KLF12: variants seen among roughly 807,000 people sequenced by gnomAD.
KLF12 encodes Krueppel-like factor 12.
KLF12 carries 9 observed loss-of-function variants against 37.8 expected under a neutral mutation model. The ratio of observed to expected loss-of-function variants is 0.24; its 90% CI spans 0.14 to 0.42. The LOEUF is 0.42. KLF12 is among the 10% of genes least tolerant of loss of function. The pLI, the probability that KLF12 is intolerant of heterozygous loss-of-function variation, is 1.00. For synonymous variants in KLF12, 208 were observed against 202.1 expected (o/e 1.03, Z -0.25); for missense variants, 411 against 516.0 (o/e 0.80, Z 1.97).
intron 1 of KLF12, among the ~76,000 whole-genome samples, chr13:74,009,933 T>A (rs1364308531): frequency 6.6e-6 from 1 of 152,182 alleles, no homozygotes; most frequent in East Asian, 1.9e-4. Flanking sequence ...TGTTTGCCAG[T>A]GTATTTTACT....
At chr13:74,246,324 G>A in the KLF12 span, among the ~76,000 whole-genome samples, 1 of 152,154 alleles carries the variant, frequency 6.6e-6, no homozygotes, top group Admixed American at 6.5e-5. Context: ...AAGGTGGGTG[G>A]CTCCCATTGA....
At position 73,845,981 on chromosome 13, in the gene KLF12, G is replaced by C. The variant is rs77377545; in HGVS notation, c.516C>G (p.Pro172=). 8,747 of 1,614,104 alleles carry C rather than the reference G, an allele frequency of 5.4e-3. 52 individuals carry two copies. The highest frequency in any genetic ancestry group is 0.022 in the East Asian group (997 of 44,862). ...TCAGTTTGTTAGACTGTAAATTCAT[G>C]GGACTTGAAGGCGGTACGGGATGGA... is the stretch of plus-strand genomic sequence containing the variant. The change falls in exon 4 of 8, where the codon CCC becomes CCG. Residue 172 remains proline (P), a synonymous_variant. Transcript: ENST00000377669.
At chr13:73,755,465 G>A (rs1224177775) in intron 6 of KLF12, among the ~76,000 whole-genome samples, 1 of 152,140 alleles carries the variant, frequency 6.6e-6, no homozygotes, top group Admixed American at 6.5e-5. Context: ...GTTAGGTTTA[G>A]GAAAGGCTCG....
intron 5 of KLF12, among the ~76,000 whole-genome samples, chr13:73,775,207 T>A (rs1441048208): frequency 6.6e-6 from 1 of 152,180 alleles, no homozygotes; most frequent in Non-Finnish European, 1.5e-5. Flanking sequence ...CATGAGCCAC[T>A]GTGCCCGGCC....
At chr13:73,805,621 G>T (rs1882533475) in intron 5 of KLF12, among the ~76,000 whole-genome samples, 1 of 41,334 alleles carries the variant, frequency 2.4e-5, no homozygotes, top group Non-Finnish European at 5.2e-5. Flanking sequence ...AGGGAGGGAG[G>T]GAGGGAGGGA....
intron 3 of KLF12, among the ~76,000 whole-genome samples, chr13:73,902,056 T>C (rs928404596): frequency 6.6e-6 from 1 of 152,238 alleles, no homozygotes; most frequent in Admixed American, 6.5e-5. Context: ...ATAATGCTTA[T>C]AGTTTAATGT....
At chr13:73,698,341 T>C (rs1874295860) in intron 7 of KLF12, among the ~76,000 whole-genome samples, 1 of 152,106 alleles carries the variant, frequency 6.6e-6, no homozygotes, top group Non-Finnish European at 1.5e-5. Flanking sequence ...TCCAGGCTCA[T>C]CTTAACAAGG....
the KLF12 span, among the ~76,000 whole-genome samples, chr13:74,229,559 G>T: frequency 2.0e-5 from 3 of 152,082 alleles, no homozygotes; most frequent in Admixed American, 2.0e-4. Flanking sequence ...ATTTGGAAAA[G>T]GTAAGAGTTT....
chr13:74,202,905 G>A, the KLF12 span, among the ~76,000 whole-genome samples: 34 of 152,230 alleles, frequency 2.2e-4, no homozygotes, highest in Non-Finnish European at 3.7e-4. Flanking sequence ...AAAGGCTTGG[G>A]TGGGTGCAGT....
At chr13:73,734,849 C>T (rs1054434868) in intron 6 of KLF12, among the ~76,000 whole-genome samples, 7 of 152,140 alleles carry the variant, frequency 4.6e-5, no homozygotes, top group African/African-American at 1.7e-4. Context: ...CCCGAGATGA[C>T]ATAGCAAGTA....
chr13:73,714,806 G>A (rs1805752214), intron 7 of KLF12, among the ~76,000 whole-genome samples: 2 of 152,078 alleles, frequency 1.3e-5, no homozygotes, highest in Admixed American at 1.3e-4. Flanking sequence ...GTCAATTGTG[G>A]TATCAATTTC....
chr13:73,735,425 A>G (rs1877379716), intron 6 of KLF12, among the ~76,000 whole-genome samples: 1 of 152,192 alleles, frequency 6.6e-6, no homozygotes, highest in South Asian at 2.1e-4. Flanking sequence ...TGGTAATTAG[A>G]GGGATTTCGA....
chr13:73,934,096 G>T (rs1055365312), intron 3 of KLF12, among the ~76,000 whole-genome samples: 2 of 151,988 alleles, frequency 1.3e-5, no homozygotes, highest in African/African-American at 4.8e-5. Flanking sequence ...GTACCATCTT[G>T]CTATCTGTAC....
At chr13:74,071,548 C>T (rs913547648) in intron 1 of KLF12, among the ~76,000 whole-genome samples, 1 of 151,952 alleles carries the variant, frequency 6.6e-6, no homozygotes, top group African/African-American at 2.4e-5. Flanking sequence ...AAAAAATTAG[C>T]CGGGCGTGGT....
intron 1 of KLF12, among the ~76,000 whole-genome samples, chr13:74,035,738 C>T (rs928332713): frequency 2.6e-5 from 4 of 151,790 alleles, no homozygotes; most frequent in African/African-American, 9.7e-5. Context: ...ATTTCATATC[C>T]TTAAAAATGG....
chr13:74,172,947 A>G, the KLF12 span, among the ~76,000 whole-genome samples: 13 of 152,206 alleles, frequency 8.5e-5, no homozygotes, highest in African/African-American at 7.2e-5. Context: ...CCACGTCTAC[A>G]TGAAATACGC....
At chr13:73,995,131 A>C in intron 1 of KLF12, 78 bp from the exon 2 acceptor site, 2 of 885,734 alleles carry the variant, frequency 2.3e-6, no homozygotes, top group Non-Finnish European at 3.6e-6. Flanking sequence ...GGAAAAAAAT[A>C]CATCTTAATT....
chr13:73,788,640 AT>A (rs58962220), intron 5 of KLF12, among the ~76,000 whole-genome samples: 29,194 of 148,374 alleles, frequency 0.2, 4,200 homozygotes, highest in African/African-American at 0.41. Context: ...ATGCCTGCTA[AT>A]TTTTTTTTTT....
the KLF12 span, among the ~76,000 whole-genome samples, chr13:74,283,781 GAA>G: frequency 6.6e-6 from 1 of 151,196 alleles, no homozygotes; most frequent in African/African-American, 2.4e-5. Flanking sequence ...TGCATTTCTA[GAA>G]AAAATACATG....
Sources: gnomAD v4.1 joint callset for allele counts (sites outside exome capture counted in the v4.1 genomes callset) on GRCh38, gnomAD v4.1.1 for gene constraint, MANE v1.5 for transcripts, NCBI Gene and HGNC (gene_info 2026-07-23, HGNC 2026-07-21) for gene names.